URI1: variants seen among roughly 807,000 people sequenced by gnomAD.
The protein encoded by URI1 is unconventional prefoldin RPB5 interactor 1.
A neutral mutation model predicts 60.2 loss-of-function variants in URI1; 39 were observed. The ratio of observed to expected loss-of-function variants is 0.65; its 90% CI spans 0.50 to 0.85. The LOEUF is 0.85. URI1 is among the 40% of genes least tolerant of loss of function. The probability of loss-of-function intolerance (pLI) is 0.00; values close to 1 mark genes in which losing one functional copy is unlikely to be tolerated. For missense variants in URI1, 691 were observed against 665.9 expected (o/e 1.04, Z -0.42); for synonymous variants, 251 against 236.8 (o/e 1.06, Z -0.55).
At chr19:29,942,210 T>G (rs1220887491), upstream of URI1, 22 of 984,120 alleles carry the variant, frequency 2.2e-5, no homozygotes, top group Non-Finnish European at 2.7e-5. Context: ...CCTGCGCGCT[T>G]GCTTCCGGCG....
In URI1 at chr19:29,986,399, G is replaced by A; in HGVS notation, c.349G>A (p.Val117Ile). The A allele has an allele frequency of 6.2e-7, 1 of 1,608,340 alleles. No homozygotes were observed. The highest frequency in any genetic ancestry group is 8.5e-7 in the Non-Finnish European group (1 of 1,178,910). The change falls in exon 4 of 11, where the codon GTT (valine) becomes ATT (isoleucine). Residue 117 changes from valine to isoleucine, a missense_variant. Transcript: ENST00000392271. ...KCSAKQAVGLVEHRKEHVRKT... is the reference protein window; with the variant it reads ...KCSAKQAVGLIEHRKEHVRKT... The stretch of plus-strand genomic sequence containing the variant: ...CTCAGCAAAGCAGGCTGTAGGTTTA[G>A]TTGAGCACCGGAAAGAACGTAGGTA...
chr19:29,967,600 G>A (rs2055406036), intron 1 of URI1, among the ~76,000 whole-genome samples: 1 of 152,224 alleles, frequency 6.6e-6, no homozygotes, highest in African/African-American at 2.4e-5. Flanking sequence ...TCTTATTTGT[G>A]AGTGTGGGAC....
chr19:29,930,549 A>G (rs1324684880), intron 1 of URI1, among the ~76,000 whole-genome samples: 1 of 151,704 alleles, frequency 6.6e-6, no homozygotes, highest in African/African-American at 2.4e-5. Context: ...CTTCTTATGT[A>G]AGGCACCATT....
intron 1 of URI1, chr19:29,956,394 C>A: frequency 6.8e-7 from 1 of 1,461,790 alleles, no homozygotes; most frequent in Admixed American, 1.8e-5. Flanking sequence ...CTTTCTGTAG[C>A]TGGATAACTC....
chr19:29,950,134 A>G (rs1448523487), intron 1 of URI1, among the ~76,000 whole-genome samples: 2 of 152,208 alleles, frequency 1.3e-5, no homozygotes, highest in Non-Finnish European at 2.9e-5. Context: ...AAGAAGAGAC[A>G]ACTTTGGTTT....
chr19:29,981,981 T>C (rs1162100990), intron 2 of URI1, among the ~76,000 whole-genome samples: 7 of 152,214 alleles, frequency 4.6e-5, no homozygotes, highest in Non-Finnish European at 1.0e-4. Context: ...GCATAGGCTT[T>C]GTGATCTTTA....
intron 1 of URI1, among the ~76,000 whole-genome samples, chr19:29,927,003 G>T (rs548146326): frequency 6.6e-6 from 1 of 152,172 alleles, no homozygotes; most frequent in Non-Finnish European, 1.5e-5. Context: ...TGTGGGGGCC[G>T]TGGACTCCAC....
chr19:29,969,178 T>G (rs766054763), intron 1 of URI1, among the ~76,000 whole-genome samples: 3 of 152,234 alleles, frequency 2.0e-5, no homozygotes, highest in Admixed American at 6.5e-5. Flanking sequence ...AATAAAGACT[T>G]TAAAATGTAA....
intron 1 of URI1, among the ~76,000 whole-genome samples, chr19:29,927,298 G>C (rs988111842): frequency 2.1e-4 from 28 of 136,446 alleles, no homozygotes; most frequent in African/African-American, 7.7e-4. Flanking sequence ...GAGTCTTGCT[G>C]TCTTGCTCAG....
At chr19:29,974,383 T>A (rs1008593206) in intron 2 of URI1, among the ~76,000 whole-genome samples, 2 of 151,920 alleles carry the variant, frequency 1.3e-5, no homozygotes. Context: ...GGAGAGAGAG[T>A]TGGGTTTCTG....
chr19:29,955,734 G>A (rs2055237695), intron 1 of URI1, among the ~76,000 whole-genome samples: 1 of 149,874 alleles, frequency 6.7e-6, no homozygotes, highest in South Asian at 2.1e-4. Context: ...GGATTAACAG[G>A]CACCCACCAC....
chr19:29,964,757 C>T (rs1005667800), intron 1 of URI1, among the ~76,000 whole-genome samples: 9 of 151,732 alleles, frequency 5.9e-5, no homozygotes, highest in African/African-American at 2.2e-4. Context: ...CCACCACACC[C>T]GGCCAGTGGT....
intron 1 of URI1, among the ~76,000 whole-genome samples, chr19:29,969,761 T>C (rs1809281497): frequency 6.6e-6 from 1 of 152,196 alleles, no homozygotes; most frequent in Non-Finnish European, 1.5e-5. Context: ...ATGAGCATTT[T>C]TTTCCTTTTT....
chr19:29,994,541 A>T (rs946441132), intron 4 of URI1, among the ~76,000 whole-genome samples: 3 of 151,718 alleles, frequency 2.0e-5, no homozygotes, highest in African/African-American at 7.3e-5. Flanking sequence ...TTGTGTCTGG[A>T]TTATTTCACA....
upstream of URI1, chr19:29,942,117 C>T: frequency 1.0e-5 from 7 of 702,728 alleles, no homozygotes; most frequent in Non-Finnish European, 1.2e-5. Flanking sequence ...GCGCGGACAC[C>T]GCCAGCCCCA....
intron 2 of URI1, among the ~76,000 whole-genome samples, chr19:29,984,414 G>C (rs28556742): frequency 0.016 from 2,462 of 152,214 alleles, 71 homozygotes; most frequent in African/African-American, 0.056. Flanking sequence ...GGGCAACAGA[G>C]AGAGACTCTG....
intron 1 of URI1, among the ~76,000 whole-genome samples, chr19:29,947,849 G>A (rs1043958723): frequency 6.6e-6 from 1 of 152,074 alleles, no homozygotes; most frequent in African/African-American, 2.4e-5. Flanking sequence ...TTTTTAAGAG[G>A]TCTTTCTTAC....
intron 1 of URI1, among the ~76,000 whole-genome samples, chr19:29,943,410 G>T (rs1315463313): frequency 1.3e-5 from 2 of 152,184 alleles, no homozygotes; most frequent in Admixed American, 6.5e-5. Context: ...TGATTTTTCT[G>T]TGGATTCTGT....
At chr19:29,981,951 T>C (rs974389688) in intron 2 of URI1, among the ~76,000 whole-genome samples, 2 of 152,222 alleles carry the variant, frequency 1.3e-5, no homozygotes, top group Non-Finnish European at 2.9e-5. Context: ...GTTCTTAGCA[T>C]AACTTTTGCA....
Sources: allele counts gnomAD v4.1 joint callset (sites outside exome capture counted in the v4.1 genomes callset), GRCh38; gene constraint gnomAD v4.1.1; transcripts MANE v1.5; gene names NCBI Gene and HGNC (gene_info 2026-07-23, HGNC 2026-07-21).